ACBD6: variants seen among roughly 807,000 people sequenced by gnomAD.
The protein encoded by ACBD6 is acyl-CoA binding domain containing 6.
Under a neutral mutation model 37.2 loss-of-function variants are expected in ACBD6, and 28 were observed. The ratio of observed to expected loss-of-function variants is 0.75; its 90% CI spans 0.56 to 1.03. The LOEUF (loss-of-function observed/expected upper bound fraction) is 1.03, where lower values mean the gene tolerates loss of function less well. Ranked by LOEUF, ACBD6 falls within the 50% of genes least tolerant of loss-of-function variation. The pLI, the probability that ACBD6 is intolerant of heterozygous loss-of-function variation, is 0.00. For missense variants in ACBD6, 340 were observed against 337.4 expected (o/e 1.01, Z -0.06); for synonymous variants, 113 against 126.8 (o/e 0.89, Z 0.73).
chr1:180,314,768 A>G (rs1650733838), intron 6 of ACBD6, 46 bp from the exon 7 acceptor site: 1 of 1,390,040 alleles, frequency 7.2e-7, no homozygotes, highest in African/African-American at 1.4e-5. Context: ...AAGTAATTGC[A>G]AAAGTATGAA....
intron 1 of ACBD6, among the ~76,000 whole-genome samples, chr1:180,497,943 T>C (rs2102102402): frequency 6.6e-6 from 1 of 152,222 alleles, no homozygotes; most frequent in East Asian, 1.9e-4. Context: ...TTAAGGTCAG[T>C]TGCAACGAGG....
chr1:180,458,272 T>C (rs1384666357), intron 3 of ACBD6, among the ~76,000 whole-genome samples: 1 of 152,182 alleles, frequency 6.6e-6, no homozygotes, highest in Non-Finnish European at 1.5e-5. Context: ...CATGCCATAT[T>C]ATGGGGCATA....
At chr1:180,308,084 A>T (rs1246246644) in intron 7 of ACBD6, among the ~76,000 whole-genome samples, 1 of 152,022 alleles carries the variant, frequency 6.6e-6, no homozygotes, top group Admixed American at 6.6e-5. Flanking sequence ...TTTTCACCAA[A>T]TTTTTTTTAA....
intron 6 of ACBD6, among the ~76,000 whole-genome samples, chr1:180,331,031 AG>A (rs1651460266): frequency 6.6e-6 from 1 of 152,176 alleles, no homozygotes; most frequent in South Asian, 2.1e-4. Flanking sequence ...GCCACCCAGG[AG>A]GTTTCTTCTC....
At chr1:180,381,587 T>C (rs1051545317) in intron 6 of ACBD6, among the ~76,000 whole-genome samples, 6 of 151,932 alleles carry the variant, frequency 3.9e-5, no homozygotes, top group African/African-American at 1.5e-4. Flanking sequence ...TATAAATACA[T>C]GGAAATTAGA....
At chr1:180,343,008 T>C (rs1186630596) in intron 6 of ACBD6, among the ~76,000 whole-genome samples, 1 of 152,056 alleles carries the variant, frequency 6.6e-6, no homozygotes, top group Admixed American at 6.5e-5. Context: ...TTAAAGGAAA[T>C]GTTCAAATTT....
chr1:180,283,970 G>A (rs372423861), downstream of ACBD6, among the ~76,000 whole-genome samples: 126 of 152,078 alleles, frequency 8.3e-4, no homozygotes, highest in African/African-American at 2.7e-3. Flanking sequence ...ATAAGGACTC[G>A]TCTCCCTGGA....
At chr1:180,361,581 T>A (rs1356346525) in intron 6 of ACBD6, among the ~76,000 whole-genome samples, 2 of 149,892 alleles carry the variant, frequency 1.3e-5, no homozygotes, top group African/African-American at 4.9e-5. Context: ...CGGGATTTGG[T>A]CTTGAAGAAA....
At chr1:180,276,713 T>C (rs1305392878) in intron 9 of ACBD6, 6 of 152,150 alleles carry the variant, frequency 3.9e-5, no homozygotes, top group African/African-American at 7.2e-5. Flanking sequence ...ATGAACCAGA[T>C]GAAAAGCTGC....
rs959598464 is a variant in ACBD6, at chr1:180,296,744, T to G, written c.695-8227A>C. Among the ~76,000 whole-genome samples, 5 of 152,046 alleles carry G rather than the reference T, an allele frequency of 3.3e-5. No homozygotes were observed. In the Middle Eastern group the frequency reaches 0.01, roughly 310 times the overall value. ...CCATGTCCAGCCAACAGATTTTCAG[T>G]GTAGACAAATCAGCCTCATACTGGA... On this transcript the variant is annotated intron_variant, in intron 7 of 7. Coordinates refer to ENST00000367595, the MANE Select transcript of ACBD6 (RefSeq NM_032360.4).
intron 6 of ACBD6, among the ~76,000 whole-genome samples, chr1:180,378,992 C>T (rs1036265635): frequency 2.0e-5 from 3 of 152,136 alleles, no homozygotes; most frequent in African/African-American, 7.2e-5. Context: ...AAGTAAGTTA[C>T]CTGGAAGCCT....
At chr1:180,377,101 G>T (rs772877260) in intron 6 of ACBD6, among the ~76,000 whole-genome samples, 2 of 151,950 alleles carry the variant, frequency 1.3e-5, no homozygotes, top group African/African-American at 4.8e-5. Flanking sequence ...TCCTTTATGC[G>T]TATATACTAG....
At chr1:180,391,143 T>C (rs1654062591) in intron 6 of ACBD6, among the ~76,000 whole-genome samples, 1 of 152,094 alleles carries the variant, frequency 6.6e-6, no homozygotes, top group Non-Finnish European at 1.5e-5. Context: ...AAGAATGAAG[T>C]TAGACCCCTA....
At chr1:180,274,167 C>T in intron 10 of ACBD6, 3 of 1,614,184 alleles carry the variant, frequency 1.9e-6, no homozygotes, top group African/African-American at 1.3e-5. Flanking sequence ...CAATAAATCT[C>T]CGTTCTTTTG....
intron 4 of ACBD6, among the ~76,000 whole-genome samples, chr1:180,425,133 T>C (rs549824331): frequency 6.6e-6 from 1 of 152,322 alleles, no homozygotes; most frequent in Admixed American, 6.5e-5. Context: ...GGTGTGTTAT[T>C]ATCTAGGAGT....
intron 7 of ACBD6, among the ~76,000 whole-genome samples, chr1:180,313,257 G>A (rs1211288543): frequency 6.6e-6 from 1 of 152,086 alleles, no homozygotes; most frequent in African/African-American, 2.4e-5. Context: ...GCTGGTTTTG[G>A]TAAACAGGTT....
chr1:180,286,234 C>T (rs75155779), downstream of ACBD6, among the ~76,000 whole-genome samples: 503 of 152,198 alleles, frequency 3.3e-3, 5 homozygotes, highest in East Asian at 0.056. Flanking sequence ...AAGTTGATGG[C>T]TGTTTTTAGT....
chr1:180,416,530 C>T (rs1380746701), intron 4 of ACBD6, among the ~76,000 whole-genome samples: 1 of 152,130 alleles, frequency 6.6e-6, no homozygotes, highest in African/African-American at 2.4e-5. Flanking sequence ...TATTCATTAT[C>T]TATAGATGAC....
intron 6 of ACBD6, among the ~76,000 whole-genome samples, chr1:180,348,615 T>C (rs1370361126): frequency 6.6e-6 from 1 of 152,124 alleles, no homozygotes; most frequent in East Asian, 1.9e-4. Flanking sequence ...AGACCAAGGA[T>C]TGGTAGGTGT....
Sources: allele counts gnomAD v4.1 joint callset (sites outside exome capture counted in the v4.1 genomes callset), GRCh38; gene constraint gnomAD v4.1.1; transcripts MANE v1.5; gene names NCBI Gene and HGNC (gene_info 2026-07-23, HGNC 2026-07-21).